Variants in CAMK1D observed in about 807,000 individuals in gnomAD.
CAMK1D encodes the protein calcium/calmodulin-dependent protein kinase type 1D.
A neutral mutation model predicts 47.7 loss-of-function variants in CAMK1D; 9 were observed. That is an observed-to-expected ratio of 0.19 (90% confidence interval 0.11 to 0.33). The LOEUF is 0.33. CAMK1D is among the 10% of genes least tolerant of loss of function. The pLI is 1.00. For synonymous variants in CAMK1D, 184 were observed against 184.9 expected, an observed-to-expected ratio of 0.99 and a Z score of 0.04; for missense variants, 291 against 488.7, an observed-to-expected ratio of 0.60 and a Z score of 3.81.
chr10:12,519,269 G>A (rs1415102276), intron 1 of CAMK1D, among the ~76,000 whole-genome samples: 3 of 58,150 alleles, frequency 5.2e-5, no homozygotes, highest in Non-Finnish European at 7.2e-5. Flanking sequence ...CCTCCCGGAC[G>A]GGGCGACTGG....
chr10:12,588,891 T>TGTGC (rs1038858252), intron 2 of CAMK1D, among the ~76,000 whole-genome samples: 10 of 150,846 alleles, frequency 6.6e-5, no homozygotes, highest in African/African-American at 9.7e-5. Context: ...TGTGCGTGCG[T>TGTGC]GTGTGTGTGT....
At chr10:12,765,721 G>A (rs904025408) in intron 4 of CAMK1D, among the ~76,000 whole-genome samples, 22 of 152,154 alleles carry the variant, frequency 1.4e-4, no homozygotes, top group African/African-American at 5.1e-4. Context: ...ACATTTAGTA[G>A]GTGAAAGAAA....
intron 3 of CAMK1D, among the ~76,000 whole-genome samples, chr10:12,698,776 G>T (rs548694799): frequency 2.1e-5 from 3 of 140,832 alleles, no homozygotes; most frequent in Non-Finnish European, 4.5e-5. Flanking sequence ...GGATTGAAGC[G>T]ATTCTCCTGC....
At chr10:12,512,517 G>A (rs1357054464) in intron 1 of CAMK1D, among the ~76,000 whole-genome samples, 2 of 152,164 alleles carry the variant, frequency 1.3e-5, no homozygotes, top group African/African-American at 4.8e-5. Context: ...TGCCTCAGCA[G>A]CTGCCCGTTG....
At chr10:12,759,490 A>G (rs977286126) in intron 3 of CAMK1D, among the ~76,000 whole-genome samples, 5 of 152,212 alleles carry the variant, frequency 3.3e-5, no homozygotes, top group African/African-American at 1.2e-4. Flanking sequence ...TTCTTGAAAA[A>G]TGATGAGAGG....
At chr10:12,638,859 A>G (rs10906192) in intron 2 of CAMK1D, among the ~76,000 whole-genome samples, 136,305 of 152,200 alleles carry the variant, frequency 0.9, 61,088 homozygotes, top group Middle Eastern at 0.93. Context: ...GGGAGGGTGG[A>G]AAGGCGTTCA....
At chr10:12,372,970 A>G (rs111814695) in intron 1 of CAMK1D, among the ~76,000 whole-genome samples, 68 of 152,320 alleles carry the variant, frequency 4.5e-4, no homozygotes, top group African/African-American at 1.6e-3. Flanking sequence ...GAGATGAATC[A>G]TAAGAGCTGG....
intron 3 of CAMK1D, among the ~76,000 whole-genome samples, chr10:12,734,344 AAATATATATATATAT>A (rs1415706365): frequency 4.3e-4 from 3 of 7,022 alleles, no homozygotes; most frequent in African/African-American, 1.0e-3. Flanking sequence ...AAAAAAAAAA[AAATATATATATATAT>A]ATATATATAT....
chr10:12,505,291 A>G (rs1588564520), intron 1 of CAMK1D, among the ~76,000 whole-genome samples: 1 of 152,218 alleles, frequency 6.6e-6, no homozygotes, highest in African/African-American at 2.4e-5. Context: ...ACTTGTTTGT[A>G]GGTAGAGGAG....
chr10:12,701,107 CTT>C (rs771965542), intron 3 of CAMK1D, among the ~76,000 whole-genome samples: 2 of 138,640 alleles, frequency 1.4e-5, no homozygotes, highest in Non-Finnish European at 1.6e-5. Context: ...ATAGATTCTT[CTT>C]TTTTTTTTTT....
chr10:12,718,018 A>G (rs962767389), intron 3 of CAMK1D, among the ~76,000 whole-genome samples: 6 of 152,138 alleles, frequency 3.9e-5, no homozygotes, highest in African/African-American at 1.2e-4. Flanking sequence ...GGCATATTTC[A>G]TACTAAATTA....
At chr10:12,448,629 G>C (rs559744911) in intron 1 of CAMK1D, among the ~76,000 whole-genome samples, 3 of 152,164 alleles carry the variant, frequency 2.0e-5, no homozygotes, top group Non-Finnish European at 4.4e-5. Context: ...TTGAATTTTT[G>C]TTGAGAAAAA....
intron 3 of CAMK1D, among the ~76,000 whole-genome samples, chr10:12,681,438 G>A (rs534239727): frequency 2.4e-4 from 37 of 152,334 alleles, no homozygotes; most frequent in African/African-American, 7.2e-4. Context: ...TGACCGCAGC[G>A]CAGCTGCCTG....
chr10:12,732,672 C>CT (rs1834946454), intron 3 of CAMK1D, among the ~76,000 whole-genome samples: 1 of 134,128 alleles, frequency 7.5e-6, no homozygotes, highest in Admixed American at 7.5e-5. Context: ...TTACCCCCGC[C>CT]CCCCCCGCCC....
chr10:12,657,157 T>C lies in CAMK1D; in HGVS notation c.225-9579T>C, dbSNP rs1840141447. ...AAAGCACCTTTCTGGCCAGGCACGGTGGCTCATGCCTGTAATCCCAGCACT... is the reference window on the plus strand; with the variant it reads ...AAAGCACCTTTCTGGCCAGGCACGGCGGCTCATGCCTGTAATCCCAGCACT... On this transcript the variant is annotated intron_variant, in intron 2 of 10. Transcript: ENST00000619168. Among the ~76,000 whole-genome samples, 3 of 152,172 alleles carry C rather than the reference T, an allele frequency of 2.0e-5. No individual in the cohort carries two copies. In the South Asian group the frequency reaches 6.2e-4, roughly 32 times the overall value.
chr10:12,614,422 T>C (rs562986515), intron 2 of CAMK1D, among the ~76,000 whole-genome samples: 100 of 152,352 alleles, frequency 6.6e-4, no homozygotes, highest in African/African-American at 2.3e-3. Context: ...ATCTCTCTTA[T>C]GAAGTTAAAA....
chr10:12,742,928 G>A (rs1028463988), intron 3 of CAMK1D, among the ~76,000 whole-genome samples: 9 of 152,166 alleles, frequency 5.9e-5, no homozygotes, highest in Admixed American at 5.2e-4. Context: ...ATGGATGTGC[G>A]CAAGACAGCA....
intron 1 of CAMK1D, among the ~76,000 whole-genome samples, chr10:12,541,638 G>A (rs561912485): frequency 1.2e-4 from 18 of 152,318 alleles, no homozygotes; most frequent in African/African-American, 3.6e-4. Flanking sequence ...GGGATTACAG[G>A]CGTGAGCCAC....
intron 1 of CAMK1D, among the ~76,000 whole-genome samples, chr10:12,501,730 C>T (rs2815664): frequency 0.7 from 106,168 of 151,816 alleles, 38,103 homozygotes; most frequent in East Asian, 0.89. Flanking sequence ...TGTCTGTGGG[C>T]GGAGATCGAG....
Sources: allele counts gnomAD v4.1 joint callset (sites outside exome capture counted in the v4.1 genomes callset), GRCh38; gene constraint gnomAD v4.1.1; transcripts MANE v1.5; gene names NCBI Gene and HGNC (gene_info 2026-07-23, HGNC 2026-07-21).